The following DYRK2 variants were observed in gnomAD, a reference collection of about 807,000 sequenced individuals.
DYRK2 encodes the protein dual specificity tyrosine phosphorylation regulated kinase 2, also known as dual specificity tyrosine-phosphorylation-regulated kinase 2.
Under a neutral mutation model 41.6 loss-of-function variants are expected in DYRK2, and 12 were observed. The observed-to-expected ratio is 0.29, with a 90% CI of 0.18 to 0.47. The LOEUF is 0.47. DYRK2 is among the 20% of genes least tolerant of loss of function. DYRK2 has a pLI of 1.00. For missense variants in DYRK2, 678 were observed against 798.4 expected (o/e 0.85, Z 1.82); for synonymous variants, 322 against 315.7 (o/e 1.02, Z -0.21).
rs1872595518 is a variant in DYRK2, at chr12:67,660,569, T to C, written c.*1856T>C. ...TTTAGAAATTATAGCTTCTTTTCCC[T>C]TAGTCAAATTTTTTAGCATATTATA... is the stretch of plus-strand genomic sequence containing the variant. On this transcript the variant is annotated 3_prime_UTR_variant, in exon 3 of 3. Coordinates refer to ENST00000344096, the MANE Select transcript of DYRK2 (RefSeq NM_006482.3). 1 of 167,046 alleles carries C rather than the reference T, an allele frequency of 6.0e-6. No individual in the cohort carries two copies. Among genetic ancestry groups the C allele is most frequent in the Admixed American group, 6.5e-5 (1 of 15,282 alleles). The allele number at this position is 167,046 out of a possible 1,614,324, so 10.3% of individuals were successfully genotyped here.
chr12:67,650,235 C>T (rs192439763), intron 2 of DYRK2, among the ~76,000 whole-genome samples: 2 of 152,358 alleles, frequency 1.3e-5, no homozygotes, highest in East Asian at 1.9e-4. Flanking sequence ...TTCCTTCTTT[C>T]CTCATTTTTC....
In DYRK2 at chr12:67,657,352, G is replaced by A. The variant is rs1565804270; in HGVS notation, c.445G>A (p.Val149Met). 1 of 1,614,076 alleles carries A rather than the reference G, an allele frequency of 6.2e-7. No homozygotes were observed. Residue 149 changes from valine (V) to methionine (M), a missense_variant, in exon 3 of 3, where the codon GTG (valine) becomes ATG (methionine). Val to Met is a conservative substitution (Grantham distance 21). This residue lies in a region of DYRK2 where 285 missense variants were observed against 279.2 expected (regional missense o/e 1.02). Transcript: ENST00000344096. The surrounding 1 kb of genome is among the most constrained non-coding windows in gnomAD (Gnocchi z 4.8). ...AAAGTCCATGGAAGGCATGGGGAAG[G>A]TGAAAGCCACCCCCATGACACCTGA... ...SLKSMEGMGK[V>M]KATPMTPEQA...
At chr12:67,650,961 ATATGT>A (rs1302626734) in intron 2 of DYRK2, among the ~76,000 whole-genome samples, 4 of 152,222 alleles carry the variant, frequency 2.6e-5, no homozygotes, top group African/African-American at 7.2e-5. Flanking sequence ...CTCTGGGGAC[ATATGT>A]TATGGGGAAA....
In DYRK2 at chr12:67,658,176, T is replaced by C. The variant is rs148003575; in HGVS notation, c.1269T>C (p.Pro423=). The C allele has an allele frequency of 2.3e-4, 374 of 1,614,178 alleles. No homozygotes were observed. In the African/African-American group the frequency reaches 3.8e-3, roughly 16 times the overall value. The change falls in exon 3 of 3, where the codon CCT becomes CCC. Residue 423 remains proline, a synonymous_variant. Transcript: ENST00000344096. This position sits in a 1 kb window ranked among gnomAD's most constrained non-coding sequence, Gnocchi z 4.3. ...TCCTGACGGGTTACCCCCTCTTGCC[T>C]GGGGAAGATGAAGGGGACCAGCTGG... is the stretch of plus-strand genomic sequence containing the variant. ...AELLTGYPLL[P]GEDEGDQLAC... is the part of the protein sequence containing the mutation.
chr12:67,659,945 T>G lies in DYRK2; in HGVS notation c.*1232T>G, dbSNP rs1300541595. The G allele has an allele frequency of 6.0e-6, 1 of 167,082 alleles. No individual in the cohort carries two copies. Among genetic ancestry groups the G allele is most frequent in the East Asian group, 1.9e-4 (1 of 5,204 alleles). 10.3% of individuals were successfully genotyped at this position (167,082 alleles called of 1,614,324 possible). The stretch of plus-strand genomic sequence containing the variant: ...CATTAGAAGAACCCCAGAGATAGCA[T>G]TCCTCTATTTTATTTTACTTTCTTT... On this transcript the variant is annotated 3_prime_UTR_variant, in exon 3 of 3. Coordinates refer to ENST00000344096, the MANE Select transcript of DYRK2 (RefSeq NM_006482.3).
At chr12:67,653,032 GT>G (rs1278002948) in intron 2 of DYRK2, among the ~76,000 whole-genome samples, 2 of 151,220 alleles carry the variant, frequency 1.3e-5, no homozygotes, top group Non-Finnish European at 2.9e-5. Context: ...GTTTCACCAT[GT>G]TGGCCAGGTT....
rs1041948793 is a variant in DYRK2, at chr12:67,661,826, A to G, written c.*3113A>G. ...TTTTTTGTTATGCTAACACTAGACA[A>G]AAATCAACTGTATTTGTAAAAATTT... On this transcript the variant is annotated 3_prime_UTR_variant, in exon 3 of 3. Coordinates refer to ENST00000344096, the MANE Select transcript of DYRK2 (RefSeq NM_006482.3). 3 of 166,824 alleles carry G rather than the reference A, an allele frequency of 1.8e-5. No homozygotes were observed. The highest frequency in any genetic ancestry group is 4.8e-5 in the African/African-American group (2 of 41,460). 10.3% of individuals were successfully genotyped at this position (166,824 alleles called of 1,614,324 possible). A position where few individuals can be genotyped will look rare whatever the true frequency, so the allele number is the denominator to read the frequency against.
Position 67,649,919 on chromosome 12 carries a change from A to G in DYRK2, c.172A>G (p.Ser58Gly). The G allele has an allele frequency of 7.2e-7, 1 of 1,382,966 alleles. No homozygotes were observed. The allele number at this position is 1,382,966 out of a possible 1,614,324, so 85.7% of individuals were successfully genotyped here. ...SPIALPPLRA[S>G]NAAAAAHTIG... is the part of the protein sequence containing the mutation. Reference sequence around the variant, plus strand: ...CATCGCCCTGCCGCCTCTCCGGGCCAGCAACGCTGCCGCCGCAGCCCACAC... The same window carrying G: ...CATCGCCCTGCCGCCTCTCCGGGCCGGCAACGCTGCCGCCGCAGCCCACAC... The change falls in exon 2 of 3, where the codon AGC (serine) becomes GGC (glycine). Residue 58 changes from serine (S) to glycine (G), a missense_variant. This residue lies in a region of DYRK2 where 285 missense variants were observed against 279.2 expected (regional missense o/e 1.02). Coordinates refer to ENST00000344096, the MANE Select transcript of DYRK2 (RefSeq NM_006482.3).
intron 1 of DYRK2, 28 bp downstream of exon 1, chr12:67,649,210 TC>T: frequency 3.4e-6 from 5 of 1,473,614 alleles, no homozygotes; most frequent in South Asian, 2.6e-5. Context: ...CCGCGCCGCA[TC>T]CCCGGACCCC....
At chr12:67,656,718 T>A (rs1213023203) in intron 2 of DYRK2, among the ~76,000 whole-genome samples, 2 of 151,988 alleles carry the variant, frequency 1.3e-5, no homozygotes, top group Non-Finnish European at 2.9e-5. Flanking sequence ...ATATGAAAGG[T>A]GCTGTGATCT....
chr12:67,649,888 CT>C lies in DYRK2; in HGVS notation c.142del (p.Ser48ProfsTer27). ...GGAGCGGAGTGGGGACTGGCCCGCC[CT>C]CCCCCATCGCCCTGCCGCCTCTCCG... Reference protein sequence around the residue: ...TRSGVGTGPPSPIALPPLRAS... With the variant: ...TRSGVGTGPPXPIALPPLRAS... On this transcript the variant is annotated frameshift_variant, in exon 2 of 3. Transcript: ENST00000344096. LOFTEE classifies it high-confidence loss of function. 3 of 1,382,160 alleles carry C rather than the reference CT, an allele frequency of 2.2e-6. No homozygotes were observed. The highest frequency in any genetic ancestry group is 2.0e-5 in the South Asian group (1 of 50,098). The allele number at this position is 1,382,160 out of a possible 1,614,324, so 85.6% of individuals were successfully genotyped here.
In DYRK2 at chr12:67,649,940, C is replaced by T. The variant is rs557502236; in HGVS notation, c.193C>T (p.His65Tyr). Residue 65 changes from histidine (H) to tyrosine (Y), a missense_variant, in exon 2 of 3, where the codon CAC (histidine) becomes TAC (tyrosine). Transcript: ENST00000344096. ...GGCCAGCAACGCTGCCGCCGCAGCC[C>T]ACACGGTGAGACCCAGCCCGCGGGC... ...LRASNAAAAA[H>Y]TIGGSKHTMN... is the part of the protein sequence containing the mutation. 237 of 1,373,948 alleles carry T rather than the reference C, an allele frequency of 1.7e-4. No homozygotes were observed. Among genetic ancestry groups the T allele is most frequent in the Non-Finnish European group, 1.9e-4 (200 of 1,071,614 alleles). 85.1% of individuals were successfully genotyped at this position (1,373,948 alleles called of 1,614,324 possible).
Position 67,658,146 on chromosome 12 carries a change from A to G in DYRK2, c.1239A>G (p.Ala413=). ...IDMWSLGCIL[A]ELLTGYPLLP... ...TGTGGAGCCTGGGCTGCATTTTAGC[A>G]GAGCTCCTGACGGGTTACCCCCTCT... is the stretch of plus-strand genomic sequence containing the variant. The change falls in exon 3 of 3, where the codon GCA becomes GCG. Residue 413 remains alanine (A), a synonymous_variant. Transcript: ENST00000344096. The surrounding 1 kb of genome is among the most constrained non-coding windows in gnomAD (Gnocchi z 4.3). 6.2e-7 allele frequency: 1 copy of G among 1,614,224 alleles called. No individual in the cohort carries two copies. Among genetic ancestry groups the G allele is most frequent in the East Asian group, 2.2e-5 (1 of 44,870 alleles).
intron 2 of DYRK2, 123 bp downstream of exon 2, chr12:67,650,068 C>G (rs1872270933): frequency 9.4e-7 from 1 of 1,067,824 alleles, no homozygotes; most frequent in Non-Finnish European, 1.2e-6. Context: ...AGCCCCACGC[C>G]TCGGGCCGAT....
chr12:67,655,715 A>G (rs1592713211), intron 2 of DYRK2, among the ~76,000 whole-genome samples: 1 of 152,224 alleles, frequency 6.6e-6, no homozygotes, highest in Non-Finnish European at 1.5e-5. Flanking sequence ...GTCATTGTGC[A>G]TATTATGTAT....
chr12:67,653,837 C>T (rs1049646664), intron 2 of DYRK2, among the ~76,000 whole-genome samples: 1 of 152,170 alleles, frequency 6.6e-6, no homozygotes, highest in African/African-American at 2.4e-5. Flanking sequence ...GGACCCAGCC[C>T]TGGAATTGCT....
intron 1 of DYRK2, 31 bp downstream of exon 1, chr12:67,649,213 C>G (rs1872229700): frequency 1.4e-6 from 2 of 1,469,018 alleles, no homozygotes; most frequent in East Asian, 3.0e-5. Context: ...CGCCGCATCC[C>G]CGGACCCCCG....
rs1872217221 is a variant in DYRK2, at chr12:67,648,990, G to A, written c.-144G>A. On this transcript the variant is annotated 5_prime_UTR_variant, in exon 1 of 3. An upstream open reading frame in the 5' UTR gains an earlier in-frame stop. Transcript: ENST00000344096. ...GGATGCAGTGGACTGTGTGTGTCTG[G>A]CTGTAGCAGACGCGAGGCGGCGACG... 2 of 589,278 alleles carry A rather than the reference G, an allele frequency of 3.4e-6. No homozygotes were observed. Among genetic ancestry groups the A allele is most frequent in the Non-Finnish European group, 5.3e-6 (2 of 377,148 alleles). The allele number at this position is 589,278 out of a possible 1,614,324, so 36.5% of individuals were successfully genotyped here. A position where few individuals can be genotyped will look rare whatever the true frequency, so the allele number is the denominator to read the frequency against.
rs759922254 is a variant in DYRK2 at position 67,659,851 on chromosome 12, A to G, written c.*1138A>G. The G allele has an allele frequency of 1.6e-4, 26 of 167,110 alleles. No homozygotes were observed. The highest frequency in any genetic ancestry group is 2.3e-4 in the Non-Finnish European group (16 of 68,118). 10.4% of individuals were successfully genotyped at this position (167,110 alleles called of 1,614,324 possible). On this transcript the variant is annotated 3_prime_UTR_variant, in exon 3 of 3. Transcript: ENST00000344096. ...TCACTTTGGCTGTTCAGTAAGGCCA[A>G]TGTTAACAACACGTTTAGAGGAGGA...
Sources: allele counts gnomAD v4.1 joint callset (sites outside exome capture counted in the v4.1 genomes callset), GRCh38; gene constraint gnomAD v4.1.1; regional missense constraint gnomAD v4.1.1; non-coding constraint Gnocchi (gnomAD v3.1); transcripts MANE v1.5; gene names NCBI Gene and HGNC (gene_info 2026-07-23, HGNC 2026-07-21).